The following OR6N1 variants were observed in gnomAD, a reference collection of about 807,000 sequenced individuals.
OR6N1 encodes the protein olfactory receptor family 6 subfamily N member 1.
For synonymous variants in OR6N1, 170 were observed against 150.7 expected (o/e 1.13, Z -0.94); for missense variants, 394 against 371.7 (o/e 1.06, Z -0.49).
rs376841145 is a variant in OR6N1 at position 158,766,511 on chromosome 1, G to C, written c.172C>G (p.Pro58Ala). ...VVCLDSRLHTPMYHFVSILSF... is the reference protein window; with the variant it reads ...VVCLDSRLHTAMYHFVSILSF... ...AGAATGCTGACAAAGTGGTACATGG[G>C]TGTGTGAAGCCGGGAGTCCAGGCAG... Residue 58 changes from proline to alanine, a missense_variant, in exon 2 of 2, where the codon CCC becomes GCC. Physicochemically the swap from Pro to Ala is conservative, Grantham distance 27 (BLOSUM62 -1). Coordinates refer to ENST00000641846, the MANE Select transcript of OR6N1 (RefSeq NM_001005185.2). 3 of 1,614,148 alleles carry C rather than the reference G, an allele frequency of 1.9e-6. No homozygotes were observed. The highest frequency in any genetic ancestry group is 2.5e-6 in the Non-Finnish European group (3 of 1,180,016).
chr1:158,833,082 C>G, the OR6N1 span, among the ~76,000 whole-genome samples: 1 of 152,118 alleles, frequency 6.6e-6, no homozygotes, highest in Non-Finnish European at 1.5e-5. Context: ...ACAACTTCAC[C>G]TGTTAAGAGT....
At chr1:158,833,438 C>T in the OR6N1 span, among the ~76,000 whole-genome samples, 11 of 152,200 alleles carry the variant, frequency 7.2e-5, no homozygotes, top group Non-Finnish European at 1.3e-4. Context: ...AACGCCTTTG[C>T]ATCTTGCAAA....
chr1:158,764,862 G>T lies in OR6N1; in HGVS notation c.*882C>A, dbSNP rs1657202573. The stretch of plus-strand genomic sequence containing the variant: ...CATAGATATTAGGACCACTAAGACA[G>T]GTACATGAAACTTGTCAGAACAGAA... On this transcript the variant is annotated 3_prime_UTR_variant, in exon 2 of 2. Coordinates refer to ENST00000641846, the MANE Select transcript of OR6N1 (RefSeq NM_001005185.2). The T allele has an allele frequency of 6.6e-6, 1 of 151,840 alleles. No individual in the cohort carries two copies. The highest frequency in any genetic ancestry group is 1.5e-5 in the Non-Finnish European group (1 of 67,940). 9.4% of individuals were successfully genotyped at this position (151,840 alleles called of 1,614,324 possible). A position where few individuals can be genotyped will look rare whatever the true frequency, so the allele number is the denominator to read the frequency against.
the OR6N1 span, among the ~76,000 whole-genome samples, chr1:158,819,316 C>T: frequency 6.6e-6 from 1 of 152,118 alleles, no homozygotes; most frequent in Non-Finnish European, 1.5e-5. Context: ...TTGCCTGAAC[C>T]ACACAGAAGG....
chr1:158,771,049 T>A (rs918295817), intron 1 of OR6N1, among the ~76,000 whole-genome samples: 1 of 152,206 alleles, frequency 6.6e-6, no homozygotes, highest in African/African-American at 2.4e-5. Context: ...TGGGTTTCTG[T>A]ATTTAGCCCA....
the OR6N1 span, among the ~76,000 whole-genome samples, chr1:158,807,791 GTCTC>G: frequency 6.6e-6 from 1 of 151,512 alleles, no homozygotes; most frequent in Non-Finnish European, 1.5e-5. Flanking sequence ...GTATTGCACT[GTCTC>G]TCTAAGTCAT....
the OR6N1 span, among the ~76,000 whole-genome samples, chr1:158,840,136 T>C: frequency 5.9e-5 from 9 of 152,266 alleles, no homozygotes; most frequent in East Asian, 1.9e-4. Flanking sequence ...AGAGGTAATA[T>C]CAACATCCTA....
chr1:158,774,782 A>G (rs1309191286), upstream of OR6N1: 1 of 152,192 alleles, frequency 6.6e-6, no homozygotes, highest in Admixed American at 6.5e-5. Flanking sequence ...ACTAGTTACC[A>G]GTATTATCCA....
At chr1:158,810,271 T>C in the OR6N1 span, among the ~76,000 whole-genome samples, 345 of 152,274 alleles carry the variant, frequency 2.3e-3, 1 homozygote, top group African/African-American at 7.8e-3. Context: ...GTTGTCTTCT[T>C]TGGCTACTCT....
At chr1:158,788,774 T>C in the OR6N1 span, among the ~76,000 whole-genome samples, 1 of 152,188 alleles carries the variant, frequency 6.6e-6, no homozygotes, top group Admixed American at 6.5e-5. Flanking sequence ...TGTCTAATTG[T>C]AGTTTTGTAC....
chr1:158,824,892 T>G, the OR6N1 span, among the ~76,000 whole-genome samples: 2 of 152,188 alleles, frequency 1.3e-5, no homozygotes, highest in African/African-American at 4.8e-5. Context: ...AATACCATTT[T>G]GGACATAGGA....
At chr1:158,781,703 CTCTGA>C in the OR6N1 span, among the ~76,000 whole-genome samples, 2 of 152,220 alleles carry the variant, frequency 1.3e-5, no homozygotes, top group Non-Finnish European at 2.9e-5. Flanking sequence ...TGAGAATCCT[CTCTGA>C]TAAGAGCTGC....
the OR6N1 span, chr1:158,777,277 T>C: frequency 1.2e-6 from 2 of 1,613,962 alleles, no homozygotes; most frequent in East Asian, 4.5e-5. Flanking sequence ...GTATCTATCA[T>C]AGGCCATGGC....
chr1:158,832,422 G>C, the OR6N1 span, among the ~76,000 whole-genome samples: 1 of 151,898 alleles, frequency 6.6e-6, no homozygotes, highest in South Asian at 2.1e-4. Context: ...GTAACTGAGA[G>C]ATGTGGTGAA....
the OR6N1 span, among the ~76,000 whole-genome samples, chr1:158,805,334 C>T: frequency 6.6e-6 from 1 of 152,148 alleles, no homozygotes; most frequent in African/African-American, 2.4e-5. Context: ...GGAGAAGTGG[C>T]CAAAAGTTGG....
the OR6N1 span, among the ~76,000 whole-genome samples, chr1:158,820,223 A>G: frequency 3.3e-5 from 5 of 152,216 alleles, no homozygotes; most frequent in African/African-American, 1.2e-4. Context: ...CCTTGCCCTC[A>G]TTCCGGTAAA....
At chr1:158,779,091 CA>C in the OR6N1 span, among the ~76,000 whole-genome samples, 1 of 150,300 alleles carries the variant, frequency 6.7e-6, no homozygotes, top group Admixed American at 6.6e-5. Flanking sequence ...CTTGTGTTTT[CA>C]TAAAATCAAT....
At chr1:158,810,808 A>G in the OR6N1 span, among the ~76,000 whole-genome samples, 1 of 152,246 alleles carries the variant, frequency 6.6e-6, no homozygotes, top group Non-Finnish European at 1.5e-5. Flanking sequence ...CCAAATGACC[A>G]GAAAGGAGTA....
rs757996854 is a variant in OR6N1 at position 158,766,107 on chromosome 1, C to T, written c.576G>A (p.Thr192=). ...CAAAATCTACTAGGACATTTATAGA[C>T]GTATCAGTGCAAGCCAAACTCAGCA... is the stretch of plus-strand genomic sequence containing the variant. ...PPVLSLACTD[T]SINVLVDFVI... Residue 192 remains threonine (T), a synonymous_variant, in exon 2 of 2, where the codon ACG becomes ACA. Transcript: ENST00000641846. The T allele has an allele frequency of 6.0e-5, 97 of 1,613,976 alleles. No homozygotes were observed. Among genetic ancestry groups the T allele is most frequent in the Middle Eastern group, 1.6e-4 (1 of 6,082 alleles).
Sources: gnomAD v4.1 joint callset for allele counts (sites outside exome capture counted in the v4.1 genomes callset) on GRCh38, gnomAD v4.1.1 for gene constraint, MANE v1.5 for transcripts, NCBI Gene and HGNC (gene_info 2026-07-23, HGNC 2026-07-21) for gene names.